IQCM: variants seen among roughly 807,000 people sequenced by gnomAD.
The protein encoded by IQCM is IQ motif containing M.
Under a neutral mutation model 57.6 loss-of-function variants are expected in IQCM, and 45 were observed. The ratio of observed to expected loss-of-function variants is 0.78; its 90% confidence interval spans 0.62 to 1.00. The LOEUF (loss-of-function observed/expected upper bound fraction) is 1.00, where lower values mean the gene tolerates loss of function less well. Ranked by LOEUF, IQCM falls within the 50% of genes least tolerant of loss-of-function variation. The pLI is 0.00. For missense variants in IQCM, 468 were observed against 511.6 expected (o/e 0.91, Z 0.82); for synonymous variants, 148 against 158.9 (o/e 0.93, Z 0.51).
At chr4:149,810,243 T>C (rs935717832) in intron 2 of IQCM, among the ~76,000 whole-genome samples, 1 of 151,570 alleles carries the variant, frequency 6.6e-6, no homozygotes, top group African/African-American at 2.4e-5. Context: ...ATGCCTGTAA[T>C]TCCAGCTACT....
At chr4:149,582,870 A>G (rs887090751) in intron 9 of IQCM, among the ~76,000 whole-genome samples, 1 of 151,584 alleles carries the variant, frequency 6.6e-6, no homozygotes, top group Non-Finnish European at 1.5e-5. Flanking sequence ...TTTAGGTGAG[A>G]AATTTTAAGA....
intron 13 of IQCM, among the ~76,000 whole-genome samples, chr4:149,372,997 A>T (rs1372012644): frequency 6.6e-6 from 1 of 152,184 alleles, no homozygotes; most frequent in Non-Finnish European, 1.5e-5. Flanking sequence ...CAGAATAAAC[A>T]GAATAGGTAA....
At chr4:149,581,005 A>T (rs1164392739) in intron 9 of IQCM, among the ~76,000 whole-genome samples, 1 of 151,790 alleles carries the variant, frequency 6.6e-6, no homozygotes, top group East Asian at 1.9e-4. Flanking sequence ...CTTATATTCC[A>T]GTAGAATAGA....
At chr4:149,484,015 A>G (rs1741194632) in intron 12 of IQCM, among the ~76,000 whole-genome samples, 1 of 152,052 alleles carries the variant, frequency 6.6e-6, no homozygotes, top group Admixed American at 6.6e-5. Flanking sequence ...CTTTGTCATA[A>G]TGTAGTGACC....
At chr4:149,756,777 G>A (rs866246156) in intron 2 of IQCM, among the ~76,000 whole-genome samples, 2 of 152,272 alleles carry the variant, frequency 1.3e-5, no homozygotes, top group Non-Finnish European at 1.5e-5. Flanking sequence ...GTGGATTAAC[G>A]GTTCTGGGTC....
At chr4:149,720,204 A>AT (rs888172098) in intron 5 of IQCM, among the ~76,000 whole-genome samples, 1 of 152,092 alleles carries the variant, frequency 6.6e-6, no homozygotes, top group Admixed American at 6.6e-5. Flanking sequence ...CTATTCTAAG[A>AT]TTTTTTTTAT....
intron 5 of IQCM, among the ~76,000 whole-genome samples, chr4:149,728,388 A>C (rs545907140): frequency 3.3e-5 from 5 of 152,302 alleles, no homozygotes; most frequent in African/African-American, 1.2e-4. Context: ...CTGTTTCCCT[A>C]GCTAGACCAC....
At chr4:149,465,297 T>C (rs556881573) in intron 12 of IQCM, among the ~76,000 whole-genome samples, 2 of 152,268 alleles carry the variant, frequency 1.3e-5, no homozygotes, top group East Asian at 3.9e-4. Flanking sequence ...ATATAAATAA[T>C]ACAGAAATTT....
chr4:149,731,717 T>C (rs943411711), intron 5 of IQCM, among the ~76,000 whole-genome samples: 1 of 151,994 alleles, frequency 6.6e-6, no homozygotes, highest in South Asian at 2.1e-4. Flanking sequence ...TGGTATAATG[T>C]GGAAAAAAAA....
intron 2 of IQCM, among the ~76,000 whole-genome samples, chr4:149,810,470 G>A (rs1294280091): frequency 6.6e-6 from 1 of 150,614 alleles, no homozygotes; most frequent in Non-Finnish European, 1.5e-5. Flanking sequence ...TTTTCTTTGA[G>A]ACAGAGTCTT....
chr4:149,738,829 T>C (rs909703806), intron 3 of IQCM, among the ~76,000 whole-genome samples: 1 of 152,190 alleles, frequency 6.6e-6, no homozygotes, highest in African/African-American at 2.4e-5. Context: ...AAGTGGCCCT[T>C]GAACAAGAGT....
In IQCM at chr4:149,431,930, A is replaced by ATT. The variant is rs1017108093; in HGVS notation, c.1390+1464_1390+1465dup. ...CTTTTGGCAACTTTGAATAATGTTG[A>ATT]TTATATATATATATATATATGTGTA... On this transcript the variant is annotated intron_variant, in intron 13 of 13. Coordinates refer to ENST00000636793, the MANE Select transcript of IQCM (RefSeq NM_001363507.2). 4.7e-5 allele frequency among the ~76,000 whole-genome samples: 7 copies of ATT among 149,166 alleles called. No individual in the cohort carries two copies. In the East Asian group the frequency reaches 5.9e-4, roughly 13 times the overall value.
In IQCM at chr4:149,649,427, C is replaced by T. The variant is rs185206757; in HGVS notation, c.566-28183G>A. Among the ~76,000 whole-genome samples, 179 of 152,232 alleles carry T rather than the reference C, an allele frequency of 1.2e-3. 1 individual carries two copies. The Middle Eastern group carries it at 0.014, about 12-fold the overall frequency. On this transcript the variant is annotated intron_variant, in intron 7 of 13. Coordinates refer to ENST00000636793, the MANE Select transcript of IQCM (RefSeq NM_001363507.2). Reference sequence around the variant, plus strand: ...CTTCATGGCATAAACAGGTGTGGCACTCCAATATTTCACTTCCTATTCTGG... The same window carrying T: ...CTTCATGGCATAAACAGGTGTGGCATTCCAATATTTCACTTCCTATTCTGG...
At chr4:149,645,204 T>C (rs1399061912) in intron 7 of IQCM, among the ~76,000 whole-genome samples, 1 of 152,236 alleles carries the variant, frequency 6.6e-6, no homozygotes. Context: ...TTGTTGGTTA[T>C]ATGTATTACA....
chr4:149,614,664 G>GGAA (rs10671831), intron 8 of IQCM, among the ~76,000 whole-genome samples: 65,870 of 151,798 alleles, frequency 0.43, 14,663 homozygotes, highest in South Asian at 0.58. Flanking sequence ...GGGCAACATT[G>GGAA]GAAGAAGAAT....
intron 12 of IQCM, among the ~76,000 whole-genome samples, chr4:149,521,111 T>G (rs992003935): frequency 6.6e-6 from 1 of 152,184 alleles, no homozygotes; most frequent in African/African-American, 2.4e-5. Context: ...TATTCATGAA[T>G]AGTTCTTTCT....
chr4:149,592,155 T>G lies in IQCM; in HGVS notation c.682-4158A>C, dbSNP rs142545344. Among the ~76,000 whole-genome samples, 1,277 of 152,274 alleles carry G rather than the reference T, an allele frequency of 8.4e-3. 23 individuals are homozygous for G. Among genetic ancestry groups the G allele is most frequent in the African/African-American group, 0.03 (1,227 of 41,562 alleles). ...TTTTAATGACCGCCATTCTAACTGGTGTCAGATGGTATCTCATTGTGGTTT... is the reference window on the plus strand; with the variant it reads ...TTTTAATGACCGCCATTCTAACTGGGGTCAGATGGTATCTCATTGTGGTTT... On this transcript the variant is annotated intron_variant, in intron 8 of 13. Coordinates refer to ENST00000636793, the MANE Select transcript of IQCM (RefSeq NM_001363507.2).
intron 2 of IQCM, among the ~76,000 whole-genome samples, chr4:149,782,014 A>T (rs1241639782): frequency 6.6e-6 from 1 of 152,212 alleles, no homozygotes; most frequent in East Asian, 1.9e-4. Flanking sequence ...CAGAAAAGAG[A>T]GAAGAGACCG....
intron 7 of IQCM, among the ~76,000 whole-genome samples, chr4:149,643,501 G>A (rs1215345511): frequency 6.6e-6 from 1 of 152,166 alleles, no homozygotes; most frequent in African/African-American, 2.4e-5. Flanking sequence ...AGGTTGGTGA[G>A]TAGGTCCACC....
Sources: allele counts gnomAD v4.1 joint callset (sites outside exome capture counted in the v4.1 genomes callset), GRCh38; gene constraint gnomAD v4.1.1; transcripts MANE v1.5; gene names NCBI Gene and HGNC (gene_info 2026-07-23, HGNC 2026-07-21).